The following SCLT1 variants were observed in gnomAD, a reference collection of about 807,000 sequenced individuals.
SCLT1 encodes the protein sodium channel-associated protein 1.
A neutral mutation model predicts 112.8 loss-of-function variants in SCLT1; 78 were observed. The observed-to-expected ratio is 0.69, with a 90% CI of 0.58 to 0.83. SCLT1 has a LOEUF of 0.83. Ranked by LOEUF, SCLT1 falls within the 40% of genes least tolerant of loss-of-function variation. The pLI is 0.00. For synonymous variants in SCLT1, 257 were observed against 254.7 expected, an observed-to-expected ratio of 1.01 and a Z score of -0.09; for missense variants, 747 against 770.4, an observed-to-expected ratio of 0.97 and a Z score of 0.36.
At chr4:128,929,736 T>C (rs974487605) in intron 18 of SCLT1, among the ~76,000 whole-genome samples, 11 of 152,184 alleles carry the variant, frequency 7.2e-5, no homozygotes, top group Admixed American at 1.3e-4. Context: ...CAAAGTATAA[T>C]AGCAAGGAAA....
rs188927277 is a variant in SCLT1 at position 129,045,164 on chromosome 4, G to A, written c.103-1113C>T. 3.0e-4 allele frequency among the ~76,000 whole-genome samples: 45 copies of A among 152,028 alleles called. No individual in the cohort carries two copies. The Middle Eastern group carries it at 0.031, about 103-fold the overall frequency. On this transcript the variant is annotated intron_variant, in intron 2 of 20. Coordinates refer to ENST00000281142, the MANE Select transcript of SCLT1 (RefSeq NM_144643.4). Reference sequence around the variant, plus strand: ...AATTATTGCAAGAAAATGCATTATTGACCTTGAGTTAGACAATGCTTTCTT... The same window carrying A: ...AATTATTGCAAGAAAATGCATTATTAACCTTGAGTTAGACAATGCTTTCTT...
chr4:129,024,295 CCCCAAG>C (rs1745799284), intron 5 of SCLT1, among the ~76,000 whole-genome samples: 1 of 152,200 alleles, frequency 6.6e-6, no homozygotes, highest in South Asian at 2.1e-4. Flanking sequence ...TGGAAGGCAC[CCCCAAG>C]TAGGGGCAGA....
At chr4:128,997,330 A>G (rs1292449355) in intron 8 of SCLT1, 1 of 151,918 alleles carries the variant, frequency 6.6e-6, no homozygotes, top group Non-Finnish European at 1.5e-5. Flanking sequence ...TCATAATTCT[A>G]TTACTCAACA....
intron 2 of SCLT1, among the ~76,000 whole-genome samples, chr4:129,058,185 T>C (rs1749616559): frequency 6.6e-6 from 1 of 152,214 alleles, no homozygotes; most frequent in South Asian, 2.1e-4. Context: ...TTTCATTTTG[T>C]TGATCTTTTG....
At chr4:129,023,424 T>C (rs967121518) in intron 5 of SCLT1, among the ~76,000 whole-genome samples, 3 of 152,108 alleles carry the variant, frequency 2.0e-5, no homozygotes, top group Non-Finnish European at 2.9e-5. Flanking sequence ...AAGACACACA[T>C]AGGCTCAAAA....
chr4:128,933,812 T>A (rs1433084964), intron 18 of SCLT1, among the ~76,000 whole-genome samples: 1 of 152,092 alleles, frequency 6.6e-6, no homozygotes, highest in Non-Finnish European at 1.5e-5. Context: ...TAAAGACTTT[T>A]ATAATAACTC....
intron 5 of SCLT1, among the ~76,000 whole-genome samples, chr4:129,009,895 T>C (rs1350275631): frequency 1.3e-5 from 2 of 152,232 alleles, no homozygotes; most frequent in Non-Finnish European, 2.9e-5. Flanking sequence ...ACTTTGTATG[T>C]TGTCTGTGCA....
chr4:129,067,438 A>T (rs1198155153), intron 2 of SCLT1, among the ~76,000 whole-genome samples: 1 of 151,826 alleles, frequency 6.6e-6, no homozygotes, highest in South Asian at 2.1e-4. Flanking sequence ...AAATGCATCT[A>T]GTAGCCTACA....
rs1742776973 is a variant in SCLT1, at chr4:128,993,760, G to T, written c.616-1523C>A. Among the ~76,000 whole-genome samples the T allele has an allele frequency of 2.0e-5, 3 of 151,954 alleles. No individual in the cohort carries two copies. The South Asian group carries it at 6.2e-4, about 31-fold the overall frequency. ...TTACCACGGAGACAGAGATTTTATGGTTGATGCATTTTTGCAACTTAGAGA... is the reference window on the plus strand; with the variant it reads ...TTACCACGGAGACAGAGATTTTATGTTTGATGCATTTTTGCAACTTAGAGA... On this transcript the variant is annotated intron_variant, in intron 8 of 20. Coordinates refer to ENST00000281142, the MANE Select transcript of SCLT1 (RefSeq NM_144643.4).
At chr4:129,009,774 A>C (rs886530021) in intron 5 of SCLT1, among the ~76,000 whole-genome samples, 1 of 152,130 alleles carries the variant, frequency 6.6e-6, no homozygotes, top group Non-Finnish European at 1.5e-5. Flanking sequence ...AAAGGTGTTC[A>C]AGTGCTTTGC....
At chr4:128,882,004 G>T (rs1246611098), downstream of SCLT1, among the ~76,000 whole-genome samples, 1 of 152,080 alleles carries the variant, frequency 6.6e-6, no homozygotes, top group Non-Finnish European at 1.5e-5. Flanking sequence ...GTTACCTGTG[G>T]CCAAAGTTTG....
At chr4:128,981,904 T>A (rs1741691191) in intron 9 of SCLT1, among the ~76,000 whole-genome samples, 1 of 152,102 alleles carries the variant, frequency 6.6e-6, no homozygotes, top group Admixed American at 6.6e-5. Flanking sequence ...TTAGTAGCCA[T>A]TGAAGGAGAG....
chr4:128,999,406 T>C (rs1743267719), intron 7 of SCLT1, among the ~76,000 whole-genome samples: 2 of 152,014 alleles, frequency 1.3e-5, no homozygotes, highest in Non-Finnish European at 2.9e-5. Flanking sequence ...TTATACAAAA[T>C]AATGTTAAAG....
At chr4:128,882,723 G>A (rs1732669871), downstream of SCLT1, among the ~76,000 whole-genome samples, 1 of 152,108 alleles carries the variant, frequency 6.6e-6, no homozygotes, top group Non-Finnish European at 1.5e-5. Context: ...TACAAATTTT[G>A]ACAAGTGCTA....
downstream of SCLT1, among the ~76,000 whole-genome samples, chr4:128,879,985 A>AAAG (rs1250962167): frequency 2.6e-5 from 4 of 152,250 alleles, no homozygotes; most frequent in African/African-American, 9.6e-5. Flanking sequence ...CAAAGGAATT[A>AAAG]AAGAGTTTTA....
intron 18 of SCLT1, among the ~76,000 whole-genome samples, chr4:128,926,546 C>T (rs1437771430): frequency 6.6e-6 from 1 of 152,012 alleles, no homozygotes; most frequent in Non-Finnish European, 1.5e-5. Flanking sequence ...TAGATCTTTA[C>T]CAAAGGAACT....
chr4:128,941,715 T>C (rs980832863), intron 17 of SCLT1, among the ~76,000 whole-genome samples: 4 of 152,120 alleles, frequency 2.6e-5, no homozygotes, highest in Non-Finnish European at 5.9e-5. Flanking sequence ...AGTGTTTTTT[T>C]GTGCTCTGTT....
chr4:128,972,760 C>G (rs1045498209), intron 9 of SCLT1, among the ~76,000 whole-genome samples: 1 of 152,190 alleles, frequency 6.6e-6, no homozygotes, highest in African/African-American at 2.4e-5. Context: ...CCAGTAGATT[C>G]CAAACTCATC....
At chr4:129,073,578 A>G (rs1353433218) in intron 2 of SCLT1, among the ~76,000 whole-genome samples, 4 of 152,072 alleles carry the variant, frequency 2.6e-5, no homozygotes, top group Non-Finnish European at 5.9e-5. Flanking sequence ...CTCCATTTTA[A>G]TTTACCTTAT....
Sources: allele counts gnomAD v4.1 joint callset (sites outside exome capture counted in the v4.1 genomes callset), GRCh38; gene constraint gnomAD v4.1.1; transcripts MANE v1.5; gene names NCBI Gene and HGNC (gene_info 2026-07-23, HGNC 2026-07-21).